The following HIVEP2 variants were observed in gnomAD, a reference collection of about 807,000 sequenced individuals.
HIVEP2 encodes the protein HIVEP zinc finger 2.
HIVEP2 carries 14 observed loss-of-function variants against 180.7 expected under a neutral mutation model. The observed-to-expected ratio is 0.08, with a 90% CI of 0.05 to 0.12. The LOEUF (loss-of-function observed/expected upper bound fraction) is 0.12, where lower values mean the gene tolerates loss of function less well. HIVEP2 is among the 10% of genes least tolerant of loss of function. The pLI, the probability that HIVEP2 is intolerant of heterozygous loss-of-function variation, is 1.00. For synonymous variants in HIVEP2, 1,184 were observed against 1,136.4 expected (o/e 1.04, Z -0.84); for missense variants, 2,579 against 3,008.5 (o/e 0.86, Z 3.34).
intron 7 of HIVEP2, among the ~76,000 whole-genome samples, chr6:142,764,315 G>A (rs560628017): frequency 6.6e-6 from 1 of 152,272 alleles, no homozygotes; most frequent in South Asian, 2.1e-4. Flanking sequence ...GGGAACACAA[G>A]CTATCAAATT....
At chr6:142,856,993 A>T (rs927324044) in intron 1 of HIVEP2, among the ~76,000 whole-genome samples, 51 of 152,214 alleles carry the variant, frequency 3.4e-4, no homozygotes, top group African/African-American at 1.2e-3. Context: ...AAATCTAGTC[A>T]GGTGTTGCCC....
chr6:142,820,207 C>T (rs1168305490), intron 2 of HIVEP2, among the ~76,000 whole-genome samples: 1 of 152,036 alleles, frequency 6.6e-6, no homozygotes, highest in African/African-American at 2.4e-5. Context: ...ATTAATTTTT[C>T]CACAACAATT....
chr6:142,793,673 T>TCTCTCTC (rs1562521411), intron 2 of HIVEP2, among the ~76,000 whole-genome samples: 18 of 107,508 alleles, frequency 1.7e-4, no homozygotes, highest in Admixed American at 7.4e-4. Context: ...CTTTCTTTCT[T>TCTCTCTC]TCTCTCTCTC....
chr6:142,810,166 C>T (rs1776655471), intron 2 of HIVEP2, among the ~76,000 whole-genome samples: 1 of 152,162 alleles, frequency 6.6e-6, no homozygotes, highest in Non-Finnish European at 1.5e-5. Context: ...TGTAAATAAG[C>T]ACCTAACAGA....
At chr6:142,766,466 C>T (rs2114632667) in intron 6 of HIVEP2, among the ~76,000 whole-genome samples, 1 of 152,116 alleles carries the variant, frequency 6.6e-6, no homozygotes, top group South Asian at 2.1e-4. Context: ...TATTCTCTGC[C>T]CCTAACTAGA....
At chr6:142,825,005 T>G (rs892556703) in intron 2 of HIVEP2, among the ~76,000 whole-genome samples, 9 of 152,194 alleles carry the variant, frequency 5.9e-5, no homozygotes, top group Admixed American at 5.9e-4. Flanking sequence ...CCTTTTCACA[T>G]TTTTGCTCAT....
chr6:142,768,885 G>T (rs1775445808), intron 5 of HIVEP2, among the ~76,000 whole-genome samples: 1 of 152,150 alleles, frequency 6.6e-6, no homozygotes, highest in South Asian at 2.1e-4. Context: ...TAAGGAAGTA[G>T]TCTCAAAAAT....
At chr6:142,757,045 C>T (rs1775095458) in intron 9 of HIVEP2, among the ~76,000 whole-genome samples, 1 of 152,094 alleles carries the variant, frequency 6.6e-6, no homozygotes, top group Non-Finnish European at 1.5e-5. Context: ...CATATATATG[C>T]ACATACACTT....
intron 1 of HIVEP2, among the ~76,000 whole-genome samples, chr6:142,848,872 C>A (rs2114918463): frequency 6.6e-6 from 1 of 152,294 alleles, no homozygotes; most frequent in Non-Finnish European, 1.5e-5. Flanking sequence ...AGTTCAACCC[C>A]AAGTCTATGA....
Position 142,773,024 on chromosome 6 carries a change from C to A in HIVEP2, c.1715G>T (p.Gly572Val), listed in dbSNP as rs757754647. The change falls in exon 5 of 10, where the codon GGT (glycine) becomes GTT (valine). Residue 572 changes from glycine (G) to valine (V), a missense_variant. Around this residue, in one of 11 missense-constraint regions of HIVEP2, gnomAD observed 524 missense variants for 563.6 expected, o/e 0.93. Coordinates refer to ENST00000367603, the MANE Select transcript of HIVEP2 (RefSeq NM_006734.4). ...GSHSFDERMTGSDDVFYPGTV... is the reference protein window; with the variant it reads ...GSHSFDERMTVSDDVFYPGTV... ...CCCTGGATAGAATACATCGTCGGAA[C>A]CAGTCATCCTTTCATCAAATGAGTG... is the stretch of plus-strand genomic sequence containing the variant. The A allele has an allele frequency of 6.2e-7, 1 of 1,614,164 alleles. No individual in the cohort carries two copies. Among genetic ancestry groups the A allele is most frequent in the Non-Finnish European group, 8.5e-7 (1 of 1,180,036 alleles).
chr6:142,933,431 A>C (rs1266775798), intron 1 of HIVEP2, among the ~76,000 whole-genome samples: 2 of 152,250 alleles, frequency 1.3e-5, no homozygotes, highest in African/African-American at 4.8e-5. Flanking sequence ...CAGGCTTCAA[A>C]GCAATGGGAA....
intron 1 of HIVEP2, among the ~76,000 whole-genome samples, chr6:142,941,031 T>C (rs1271617476): frequency 6.6e-6 from 1 of 152,244 alleles, no homozygotes; most frequent in East Asian, 1.9e-4. Context: ...TTATAGACAC[T>C]TGTAGAAAAA....
intron 6 of HIVEP2, among the ~76,000 whole-genome samples, chr6:142,765,919 G>A (rs1029325440): frequency 3.9e-5 from 6 of 152,186 alleles, no homozygotes; most frequent in Non-Finnish European, 8.8e-5. Flanking sequence ...AGCTAGGCTA[G>A]AATTTTGGGT....
At position 142,761,542 on chromosome 6, in the gene HIVEP2, A is replaced by C; in HGVS notation, c.5542T>G (p.Ser1848Ala). Residue 1848 changes from serine (S) to alanine (A), a missense_variant, in exon 8 of 10, where the codon TCT (serine) becomes GCT (alanine). By Grantham distance (99) the Ser-to-Ala change is moderately conservative. Transcript: ENST00000367603. ...TKGNLTKHMK[S>A]KAHMKKCLEL... The stretch of plus-strand genomic sequence containing the variant: ...AGGCATTTTTTCATGTGTGCTTTAG[A>C]TTTCATATGCTTCGTTAGGTTTCCT... 1 of 1,602,988 alleles carries C rather than the reference A, an allele frequency of 6.2e-7. No individual in the cohort carries two copies. The highest frequency in any genetic ancestry group is 8.5e-7 in the Non-Finnish European group (1 of 1,170,528).
intron 2 of HIVEP2, among the ~76,000 whole-genome samples, chr6:142,793,695 C>CTCTCTCTCTG (rs1562521514): frequency 1.6e-5 from 2 of 125,458 alleles, no homozygotes; most frequent in East Asian, 3.5e-4. Flanking sequence ...CTCTCTCTCT[C>CTCTCTCTCTG]TCTGTCTGTC....
chr6:142,760,146 G>A lies in HIVEP2; in HGVS notation c.6142C>T (p.Pro2048Ser), dbSNP rs759381953. ...DFSPSSHHSS[P>S]GYDSSPCRDN... ...CGACAGGGTGAAGAATCATATCCTG[G>A]AGAGGAATGGTGGCTTGAGGGTGAG... The change falls in exon 9 of 10, where the codon CCA (proline) becomes TCA (serine). Residue 2048 changes from proline to serine, a missense_variant. Physicochemically the swap from Pro to Ser is moderately conservative, Grantham distance 74. Around this residue, in one of 11 missense-constraint regions of HIVEP2, gnomAD observed 660 missense variants for 731.7 expected, o/e 0.90. Transcript: ENST00000367603. 2.5e-6 allele frequency: 4 copies of A among 1,614,036 alleles called. No individual in the cohort carries two copies. The African/African-American group carries it at 5.3e-5, about 22-fold the overall frequency.
chr6:142,783,022 T>TTTAATTATAACAATGATAA (rs1488708179), intron 3 of HIVEP2, among the ~76,000 whole-genome samples: 2 of 152,202 alleles, frequency 1.3e-5, no homozygotes, highest in African/African-American at 4.8e-5. Context: ...ATAATGCTAT[T>TTTAATTATAACAATGATAA]TTAATTATAA....
Position 142,771,220 on chromosome 6 carries a change from T to A in HIVEP2, c.3519A>T (p.Gln1173His). Reference protein sequence around the residue: ...SQESLRNPLIQPTSYMTSKHL... With the variant: ...SQESLRNPLIHPTSYMTSKHL... Reference sequence around the variant, plus strand: ...GCTTGCTTGTCATATAGGATGTTGGTTGGATCAAGGGATTTCTCAAAGATT... The same window carrying A: ...GCTTGCTTGTCATATAGGATGTTGGATGGATCAAGGGATTTCTCAAAGATT... Residue 1173 changes from glutamine to histidine, a missense_variant, in exon 5 of 10, where the codon CAA becomes CAT. Coordinates refer to ENST00000367603, the MANE Select transcript of HIVEP2 (RefSeq NM_006734.4). This position sits in a 1 kb window ranked among gnomAD's most constrained non-coding sequence, Gnocchi z 5.4. 1 of 1,614,136 alleles carries A rather than the reference T, an allele frequency of 6.2e-7. No homozygotes were observed. The highest frequency in any genetic ancestry group is 8.5e-7 in the Non-Finnish European group (1 of 1,180,010).
chr6:142,773,105 G>A lies in HIVEP2; in HGVS notation c.1634C>T (p.Ser545Leu). The change falls in exon 5 of 10, where the codon TCA becomes TTA. Residue 545 changes from serine (S) to leucine (L), a missense_variant. Around this residue, in one of 11 missense-constraint regions of HIVEP2, gnomAD observed 524 missense variants for 563.6 expected, o/e 0.93. Coordinates refer to ENST00000367603, the MANE Select transcript of HIVEP2 (RefSeq NM_006734.4). ...ATTAGTTGCTGAAGAAGTTGGCACT[G>A]AGTTGCTTCTAATAAGGGGTGAAGA... Reference protein sequence around the residue: ...VDSSPLIRSNSVPTSSATNLT... With the variant: ...VDSSPLIRSNLVPTSSATNLT... 6.2e-7 allele frequency: 1 copy of A among 1,614,218 alleles called. No individual in the cohort carries two copies. The highest frequency in any genetic ancestry group is 8.5e-7 in the Non-Finnish European group (1 of 1,180,022).
Sources: allele counts gnomAD v4.1 joint callset (sites outside exome capture counted in the v4.1 genomes callset), GRCh38; gene constraint gnomAD v4.1.1; regional missense constraint gnomAD v4.1.1; non-coding constraint Gnocchi (gnomAD v3.1); transcripts MANE v1.5; gene names NCBI Gene and HGNC (gene_info 2026-07-23, HGNC 2026-07-21).